The following PRDM5 variants were observed in gnomAD, a reference collection of about 807,000 sequenced individuals.
PRDM5 encodes the protein PR domain zinc finger protein 5.
Under a neutral mutation model 81.2 loss-of-function variants are expected in PRDM5, and 56 were observed. The ratio of observed to expected loss-of-function variants is 0.69; its 90% confidence interval spans 0.56 to 0.86. The LOEUF is 0.86. Among genes scored for constraint, PRDM5 ranks in the 40% least tolerant of loss-of-function variants. The pLI, the probability that PRDM5 is intolerant of heterozygous loss-of-function variation, is 0.00. For synonymous variants in PRDM5, 267 were observed against 256.4 expected, an observed-to-expected ratio of 1.04 and a Z score of -0.39; for missense variants, 697 against 770.1, an observed-to-expected ratio of 0.91 and a Z score of 1.12.
rs139530967 is a variant in PRDM5, at chr4:120,873,471, G to A, written c.178-19931C>T. On this transcript the variant is annotated intron_variant, in intron 2 of 15. Transcript: ENST00000264808. ...CTTTTCAATTAAAATTCAACACTCC[G>A]GCTATAAGTGGCCAACTATCCATCA... 3.2e-4 allele frequency among the ~76,000 whole-genome samples: 49 copies of A among 152,222 alleles called. 1 individual carries two copies. In the East Asian group the frequency reaches 5.6e-3, roughly 17 times the overall value.
chr4:120,830,525 C>T (rs746302067), intron 3 of PRDM5, among the ~76,000 whole-genome samples: 3 of 151,960 alleles, frequency 2.0e-5, no homozygotes, highest in Non-Finnish European at 2.9e-5. Flanking sequence ...TAGGGTTGTT[C>T]GTTGGAGCGG....
At chr4:120,782,029 C>A (rs970952502) in intron 11 of PRDM5, among the ~76,000 whole-genome samples, 7 of 151,644 alleles carry the variant, frequency 4.6e-5, no homozygotes, top group Admixed American at 2.6e-4. Context: ...CCTCAGAAAA[C>A]ATATATAGAA....
chr4:120,818,317 C>T (rs1403416219), intron 5 of PRDM5, 36 bp downstream of exon 5: 2 of 1,591,598 alleles, frequency 1.3e-6, no homozygotes, highest in Non-Finnish European at 1.7e-6. Context: ...ACTGTGTTAG[C>T]TTATAATTTT....
intron 13 of PRDM5, among the ~76,000 whole-genome samples, chr4:120,776,570 A>G (rs1163804187): frequency 6.6e-6 from 1 of 152,212 alleles, no homozygotes; most frequent in Non-Finnish European, 1.5e-5. Context: ...TATTCTTTCA[A>G]GTCTTTTTCA....
chr4:120,922,176 C>T (rs1253187711), intron 1 of PRDM5, among the ~76,000 whole-genome samples: 2 of 152,222 alleles, frequency 1.3e-5, no homozygotes, highest in Non-Finnish European at 2.9e-5. Flanking sequence ...CACCCGTAAC[C>T]GAGGAAGAGG....
intron 2 of PRDM5, among the ~76,000 whole-genome samples, chr4:120,872,522 A>C (rs1465345385): frequency 6.6e-6 from 1 of 152,194 alleles, no homozygotes; most frequent in Non-Finnish European, 1.5e-5. Context: ...AGGCCGAGGC[A>C]GGAGGATGAC....
chr4:120,870,072 G>A (rs1046513617), intron 2 of PRDM5, among the ~76,000 whole-genome samples: 7 of 151,984 alleles, frequency 4.6e-5, no homozygotes, highest in African/African-American at 7.3e-5. Flanking sequence ...AGAAGGACTC[G>A]GAGGAGAAGG....
chr4:120,885,485 T>C (rs1041443838), intron 2 of PRDM5: 1 of 152,198 alleles, frequency 6.6e-6, no homozygotes, highest in African/African-American at 2.4e-5. Context: ...ACTACATCTA[T>C]CTGATAAAAT....
chr4:120,817,727 A>C (rs926397365), intron 5 of PRDM5, among the ~76,000 whole-genome samples: 8 of 152,182 alleles, frequency 5.3e-5, no homozygotes, highest in Admixed American at 4.6e-4. Flanking sequence ...CACTTTTAAC[A>C]ATTTCTGATC....
chr4:120,845,898 T>C (rs1201340694), intron 3 of PRDM5, among the ~76,000 whole-genome samples: 4 of 152,184 alleles, frequency 2.6e-5, no homozygotes, highest in Non-Finnish European at 4.4e-5. Context: ...TAGAAGTCAA[T>C]TCCAACCCTC....
chr4:120,907,490 T>C lies in PRDM5; in HGVS notation c.161A>G (p.Tyr54Cys), dbSNP rs762968750. 9 of 1,609,844 alleles carry C rather than the reference T, an allele frequency of 5.6e-6. No individual in the cohort carries two copies. The East Asian group carries it at 1.8e-4, about 32-fold the overall frequency. ...MPEDLDENMD[Y>C]RLMWEVRGSK... is the part of the protein sequence containing the mutation. ...TATCCTCACCTCCCACATCAACCTGTAATCCATATTTTCATCCAAGTCTTC... is the reference window on the plus strand; with the variant it reads ...TATCCTCACCTCCCACATCAACCTGCAATCCATATTTTCATCCAAGTCTTC... Residue 54 changes from tyrosine to cysteine, a missense_variant, in exon 2 of 16, where the codon TAC (tyrosine) becomes TGC (cysteine). Physicochemically the swap from Tyr to Cys is radical, Grantham distance 194. This residue lies in a region of PRDM5 where 577 missense variants were observed against 606.7 expected (regional missense o/e 0.95). Transcript: ENST00000264808.
Position 120,774,725 on chromosome 4 carries a change from C to G in PRDM5, c.1537+2463G>C, listed in dbSNP as rs1341074184. Among the ~76,000 whole-genome samples the G allele has an allele frequency of 2.0e-5, 3 of 152,086 alleles. No homozygotes were observed. The East Asian group carries it at 5.8e-4, about 29-fold the overall frequency. On this transcript the variant is annotated intron_variant, in intron 13 of 15. Coordinates refer to ENST00000264808, the MANE Select transcript of PRDM5 (RefSeq NM_018699.4). ...GCATAGGCTTGACATCAAAATAACC[C>G]AAAGAAGAACTGTAAAATGAGAAAG...
At chr4:120,826,226 A>C (rs1052955192) in intron 3 of PRDM5, among the ~76,000 whole-genome samples, 1 of 152,076 alleles carries the variant, frequency 6.6e-6, no homozygotes, top group African/African-American at 2.4e-5. Context: ...CTTCCATCAA[A>C]CTAGTACACT....
In PRDM5 at chr4:120,738,235, G is replaced by A. The variant is rs551281073; in HGVS notation, c.1623+16318C>T. On this transcript the variant is annotated intron_variant, in intron 14 of 15. Coordinates refer to ENST00000264808, the MANE Select transcript of PRDM5 (RefSeq NM_018699.4). Reference sequence around the variant, plus strand: ...CAACAGCAAGAATTACCTTCCTGATGCCCCCAAATAAGTATCATTCTGATT... The same window carrying A: ...CAACAGCAAGAATTACCTTCCTGATACCCCCAAATAAGTATCATTCTGATT... Among the ~76,000 whole-genome samples, 48 of 152,174 alleles carry A rather than the reference G, an allele frequency of 3.2e-4. 1 individual carries two copies. The highest frequency in any genetic ancestry group is 1.1e-3 in the African/African-American group (47 of 41,498).
At chr4:120,745,421 G>C (rs1256461909) in intron 14 of PRDM5, among the ~76,000 whole-genome samples, 1 of 144,798 alleles carries the variant, frequency 6.9e-6, no homozygotes, top group African/African-American at 2.6e-5. Flanking sequence ...AGTGTTGGAA[G>C]TTCTGGCCAG....
At chr4:120,783,230 CT>C (rs1219419728) in intron 11 of PRDM5, among the ~76,000 whole-genome samples, 1 of 152,038 alleles carries the variant, frequency 6.6e-6, no homozygotes, top group Non-Finnish European at 1.5e-5. Flanking sequence ...TTTTCCCATT[CT>C]TTTCACTAAC....
intron 2 of PRDM5, among the ~76,000 whole-genome samples, chr4:120,872,529 T>C (rs1392565259): frequency 6.6e-6 from 1 of 152,182 alleles, no homozygotes; most frequent in Non-Finnish European, 1.5e-5. Context: ...GGCAGGAGGA[T>C]GACTTGAGGC....
At chr4:120,818,637 A>G (rs1754860014) in intron 4 of PRDM5, 110 bp from the exon 5 acceptor site, 1 of 932,904 alleles carries the variant, frequency 1.1e-6, no homozygotes, top group Non-Finnish European at 1.7e-6. Flanking sequence ...ATGATACCAT[A>G]TGAATAAATT....
At chr4:120,790,562 C>G (rs556882875) in intron 10 of PRDM5, among the ~76,000 whole-genome samples, 2 of 152,192 alleles carry the variant, frequency 1.3e-5, no homozygotes, top group South Asian at 4.2e-4. Context: ...TATGTACCAT[C>G]TATACAGAAA....
Sources: allele counts gnomAD v4.1 joint callset (sites outside exome capture counted in the v4.1 genomes callset), GRCh38; gene constraint gnomAD v4.1.1; regional missense constraint gnomAD v4.1.1; transcripts MANE v1.5; gene names NCBI Gene and HGNC (gene_info 2026-07-23, HGNC 2026-07-21).